Variants in EXO1 observed in about 807,000 individuals in gnomAD.
The protein encoded by EXO1 is exonuclease 1.
In EXO1, 69 loss-of-function variants were observed where a neutral mutation model predicts 84.5. The ratio of observed to expected loss-of-function variants is 0.82; its 90% CI spans 0.67 to 1.00. EXO1 has a LOEUF of 1.00. EXO1 is among the 50% of genes least tolerant of loss of function. The probability of loss-of-function intolerance (pLI) is 0.00; values close to 1 mark genes in which losing one functional copy is unlikely to be tolerated. For missense variants in EXO1, 1,045 were observed against 1,000.7 expected (o/e 1.04, Z -0.60); for synonymous variants, 373 against 366.1 (o/e 1.02, Z -0.21).
intron 6 of EXO1, among the ~76,000 whole-genome samples, chr1:241,855,540 C>T (rs1660946004): frequency 6.6e-6 from 1 of 152,266 alleles, no homozygotes; most frequent in Admixed American, 6.5e-5. Context: ...CCGCACGGGG[C>T]TGCAGGTGAA....
rs1662653310 is a variant in EXO1 at position 241,879,914 on chromosome 1, G to A, written c.2109+571G>A. ...CCCAGCTATTCGGGAGGCTGAGGCA[G>A]GGTAATTATTTGAACCTGGGAGGCG... On this transcript the variant is annotated intron_variant, in intron 13 of 15. Coordinates refer to ENST00000366548, the MANE Select transcript of EXO1 (RefSeq NM_130398.4). Among the ~76,000 whole-genome samples, 3 of 151,960 alleles carry A rather than the reference G, an allele frequency of 2.0e-5. No individual in the cohort carries two copies. The Middle Eastern group carries it at 0.01, about 517-fold the overall frequency.
intron 10 of EXO1, among the ~76,000 whole-genome samples, chr1:241,862,750 G>A (rs530962539): frequency 6.6e-6 from 1 of 152,136 alleles, no homozygotes; most frequent in Admixed American, 6.5e-5. Context: ...TGGAAAACTT[G>A]GAAATAAACT....
intron 7 of EXO1, 126 bp from the exon 8 acceptor site, chr1:241,858,380 A>T (rs958327674): frequency 1.8e-6 from 1 of 555,520 alleles, no homozygotes; most frequent in African/African-American, 1.9e-5. Context: ...CAGCCTGTCT[A>T]TCTATGTCTC....
chr1:241,854,030 G>C (rs1295210749), intron 6 of EXO1, among the ~76,000 whole-genome samples: 1 of 152,150 alleles, frequency 6.6e-6, no homozygotes, highest in Non-Finnish European at 1.5e-5. Flanking sequence ...CCTCCTTGCA[G>C]CAGCTTCTTT....
chr1:241,872,730 A>G lies in EXO1; in HGVS notation c.1514+452A>G, dbSNP rs891994052. Reference sequence around the variant, plus strand: ...TAGTATTACATGGTGTATATGTGCCACATTTTCTATACCCAGCCTATCATT... The same window carrying G: ...TAGTATTACATGGTGTATATGTGCCGCATTTTCTATACCCAGCCTATCATT... On this transcript the variant is annotated intron_variant, in intron 12 of 15. Transcript: ENST00000366548. Among the ~76,000 whole-genome samples, 5 of 152,220 alleles carry G rather than the reference A, an allele frequency of 3.3e-5. No individual in the cohort carries two copies. The South Asian group carries it at 1.0e-3, about 32-fold the overall frequency.
chr1:241,887,299 GTTAA>G (rs1663119724), intron 15 of EXO1, among the ~76,000 whole-genome samples: 1 of 152,124 alleles, frequency 6.6e-6, no homozygotes. Flanking sequence ...ACCAGCCCCA[GTTAA>G]TTATTTAAGT....
chr1:241,855,651 C>T (rs1174523636), intron 6 of EXO1, among the ~76,000 whole-genome samples: 1 of 152,208 alleles, frequency 6.6e-6, no homozygotes, highest in Non-Finnish European at 1.5e-5. Context: ...GTTGGGGAGG[C>T]TCGGGCGGCA....
chr1:241,858,811 G>T, intron 8 of EXO1, 93 bp downstream of exon 8: 2 of 892,090 alleles, frequency 2.2e-6, no homozygotes, highest in Non-Finnish European at 3.7e-6. Context: ...ATTCTGTTAT[G>T]CGAATAACCT....
chr1:241,876,824 A>AG (rs1481438119), intron 12 of EXO1, among the ~76,000 whole-genome samples: 1 of 152,140 alleles, frequency 6.6e-6, no homozygotes, highest in East Asian at 1.9e-4. Context: ...ATGGATTGGA[A>AG]GCGGCATACA....
chr1:241,854,784 G>T, intron 6 of EXO1: 1 of 157,822 alleles, frequency 6.3e-6, no homozygotes, highest in South Asian at 2.0e-4. Flanking sequence ...CCCTCGCGGT[G>T]AGTGTTACAG....
chr1:241,860,739 C>T (rs780784154), intron 9 of EXO1, 35 bp downstream of exon 9: 2 of 1,531,032 alleles, frequency 1.3e-6, no homozygotes, highest in South Asian at 2.2e-5. Flanking sequence ...AGAATTTGTG[C>T]ATTTTTCTTC....
chr1:241,873,222 C>T (rs773649118), intron 12 of EXO1, among the ~76,000 whole-genome samples: 2 of 152,270 alleles, frequency 1.3e-5, no homozygotes, highest in Middle Eastern at 3.4e-3. Flanking sequence ...TATCCCTCCT[C>T]CCTCCCCCCA....
At chr1:241,878,626 A>G (rs1662545070) in intron 12 of EXO1, 123 bp from the exon 13 acceptor site, 4 of 644,018 alleles carry the variant, frequency 6.2e-6, no homozygotes, top group Non-Finnish European at 1.1e-5. Context: ...CCTTTATGAA[A>G]TTATATATTT....
chr1:241,853,971 G>A (rs1660811204), intron 6 of EXO1, among the ~76,000 whole-genome samples: 1 of 152,154 alleles, frequency 6.6e-6, no homozygotes. Context: ...GATCTGTGAT[G>A]TAGCTTCGTT....
chr1:241,855,725 G>T (rs1450356137), intron 6 of EXO1, among the ~76,000 whole-genome samples: 2 of 152,194 alleles, frequency 1.3e-5, no homozygotes, highest in Non-Finnish European at 2.9e-5. Context: ...GTCCTGCCCC[G>T]CAGGAAGGCA....
intron 9 of EXO1, 90 bp from the exon 10 acceptor site, chr1:241,861,316 C>T (rs1399994849): frequency 6.7e-6 from 5 of 745,794 alleles, no homozygotes; most frequent in South Asian, 1.4e-5. Context: ...TATGGATTTT[C>T]GTGACAATAG....
At chr1:241,848,075 C>G (rs926084461), upstream of EXO1, 4 of 152,264 alleles carry the variant, frequency 2.6e-5, no homozygotes, top group African/African-American at 9.6e-5. The surrounding 1 kb of genome is among the most constrained non-coding windows in gnomAD (Gnocchi z 4.2). Context: ...GTCTACCCAG[C>G]GAGACGGAGA....
At chr1:241,888,539 A>G (rs1198992725) in intron 15 of EXO1, among the ~76,000 whole-genome samples, 2 of 152,152 alleles carry the variant, frequency 1.3e-5, no homozygotes, top group African/African-American at 4.8e-5. Flanking sequence ...GGTCTTGGAA[A>G]CCGTTCAAAG....
At chr1:241,867,857 C>A (rs926367413) in intron 11 of EXO1, among the ~76,000 whole-genome samples, 1 of 151,856 alleles carries the variant, frequency 6.6e-6, no homozygotes, top group East Asian at 1.9e-4. Context: ...CAGTGTAAGT[C>A]TCAAGTTAGT....
Sources: gnomAD v4.1 joint callset for allele counts (sites outside exome capture counted in the v4.1 genomes callset) on GRCh38, gnomAD v4.1.1 for gene constraint, Gnocchi (gnomAD v3.1) non-coding constraint, MANE v1.5 for transcripts, NCBI Gene and HGNC (gene_info 2026-07-23, HGNC 2026-07-21) for gene names.